Variants in CSMD3 observed in about 807,000 individuals in gnomAD.
The protein encoded by CSMD3 is CUB and sushi domain-containing protein 3.
CSMD3 carries 177 observed loss-of-function variants against 435.2 expected under a neutral mutation model. The observed-to-expected ratio is 0.41, with a 90% confidence interval of 0.36 to 0.46. The LOEUF (loss-of-function observed/expected upper bound fraction) is 0.46. Ranked by LOEUF, CSMD3 falls within the 20% of genes least tolerant of loss-of-function variation. The pLI is 0.34. For missense variants in CSMD3, 4,265 were observed against 4,504.6 expected, an observed-to-expected ratio of 0.95 and a Z score of 1.52; for synonymous variants, 1,656 against 1,520.5, an observed-to-expected ratio of 1.09 and a Z score of -2.07.
At chr8:112,780,986 G>A (rs970935834) in intron 13 of CSMD3, among the ~76,000 whole-genome samples, 4 of 152,024 alleles carry the variant, frequency 2.6e-5, no homozygotes, top group Admixed American at 2.0e-4. Context: ...ACCAGCTGGG[G>A]CAGTTAAAGG....
intron 2 of CSMD3, among the ~76,000 whole-genome samples, chr8:113,294,799 A>C (rs2093708217): frequency 6.6e-6 from 1 of 152,142 alleles, no homozygotes; most frequent in Non-Finnish European, 1.5e-5. Flanking sequence ...AATAAAGGAC[A>C]ATCCTAATTA....
intron 25 of CSMD3, among the ~76,000 whole-genome samples, chr8:112,553,104 G>A (rs10105193): frequency 0.25 from 37,419 of 151,828 alleles, 4,919 homozygotes; most frequent in East Asian, 0.47. Context: ...TTGCTACCCC[G>A]CCTTTGAGAA....
intron 10 of CSMD3, among the ~76,000 whole-genome samples, chr8:112,920,081 C>G (rs2082689942): frequency 2.0e-5 from 3 of 151,746 alleles, no homozygotes; most frequent in Admixed American, 2.0e-4. Flanking sequence ...AACAAGCCAT[C>G]AGAAATGCCA....
intron 1 of CSMD3, among the ~76,000 whole-genome samples, chr8:113,403,367 T>C (rs2129652740): frequency 6.6e-6 from 1 of 151,436 alleles, no homozygotes; most frequent in Middle Eastern, 3.4e-3. Flanking sequence ...GTTCCTGTGG[T>C]ACCATTTTAT....
chr8:112,541,316 A>G (rs964074499), intron 27 of CSMD3, among the ~76,000 whole-genome samples: 1 of 151,904 alleles, frequency 6.6e-6, no homozygotes, highest in Non-Finnish European at 1.5e-5. Flanking sequence ...AAAAACAATT[A>G]AAAAATAAAA....
intron 5 of CSMD3, among the ~76,000 whole-genome samples, chr8:113,061,300 T>C (rs2088602266): frequency 6.6e-6 from 1 of 152,114 alleles, no homozygotes; most frequent in Non-Finnish European, 1.5e-5. Context: ...GAAAAGAACA[T>C]CAGCTTTAGT....
chr8:113,111,561 G>A (rs988605566), intron 4 of CSMD3, among the ~76,000 whole-genome samples: 2 of 151,990 alleles, frequency 1.3e-5, no homozygotes, highest in Non-Finnish European at 2.9e-5. Flanking sequence ...TTTATTTACT[G>A]TGTGTTTAGT....
chr8:112,276,010 C>T (rs1407022304), intron 59 of CSMD3, among the ~76,000 whole-genome samples: 3 of 152,184 alleles, frequency 2.0e-5, no homozygotes, highest in Non-Finnish European at 2.9e-5. Context: ...AAGACAAGTA[C>T]TTCCACCTAT....
chr8:112,510,483 A>G (rs1250519874), intron 28 of CSMD3, among the ~76,000 whole-genome samples: 1 of 152,152 alleles, frequency 6.6e-6, no homozygotes, highest in Non-Finnish European at 1.5e-5. Flanking sequence ...CTACATTTAT[A>G]TAACTCTAAC....
rs571004035 is a variant in CSMD3, at chr8:113,217,051, G to A, written c.515-43135C>T. Among the ~76,000 whole-genome samples, 123 of 151,672 alleles carry A rather than the reference G, an allele frequency of 8.1e-4. 1 individual carries two copies. Among genetic ancestry groups the A allele is most frequent in the Non-Finnish European group, 1.4e-3 (95 of 67,880 alleles). The stretch of plus-strand genomic sequence containing the variant: ...CCAGTCGTAATAAATAAACTTCACC[G>A]ATTCTTTTAGGAAATTGGTAGAGAT... On this transcript the variant is annotated intron_variant, in intron 3 of 70. Transcript: ENST00000297405.
At chr8:112,657,089 A>G (rs1303690706) in intron 17 of CSMD3, among the ~76,000 whole-genome samples, 2 of 148,480 alleles carry the variant, frequency 1.3e-5, no homozygotes, top group Non-Finnish European at 3.0e-5. Flanking sequence ...TTGAGGCAAA[A>G]TCTAATTCCA....
At chr8:112,911,647 G>GTGTGTGTATATATA (rs2082416920) in intron 10 of CSMD3, among the ~76,000 whole-genome samples, 1 of 3,992 alleles carries the variant, frequency 2.5e-4, no homozygotes, top group South Asian at 5.0e-3. Context: ...ATATATGTGT[G>GTGTGTGTATATATA]TGTGTGTGTG....
intron 13 of CSMD3, among the ~76,000 whole-genome samples, chr8:112,712,069 T>G (rs911949623): frequency 2.0e-5 from 3 of 152,090 alleles, no homozygotes; most frequent in Non-Finnish European, 4.4e-5. Context: ...CACTGTAAAA[T>G]CTGTGACACT....
rs534172059 is a variant in CSMD3, at chr8:113,334,096, CTGA to C, written c.179-19306_179-19304del. Among the ~76,000 whole-genome samples the C allele has an allele frequency of 1.5e-3, 226 of 151,898 alleles. 4 individuals carry two copies. The highest frequency in any genetic ancestry group is 0.015 in the Admixed American group (225 of 15,224). Reference sequence around the variant, plus strand: ...ACTATACAAAAATTACGATTTTTAACTGATATTTGCTTTGTATCTGTAACCCAG... The same window carrying C: ...ACTATACAAAAATTACGATTTTTAACTATTTGCTTTGTATCTGTAACCCAG... On this transcript the variant is annotated intron_variant, in intron 1 of 70. Transcript: ENST00000297405.
intron 32 of CSMD3, among the ~76,000 whole-genome samples, chr8:112,437,733 T>G (rs569872480): frequency 3.9e-4 from 59 of 152,274 alleles, no homozygotes; most frequent in African/African-American, 1.2e-3. Context: ...AGCTTTCCAG[T>G]AATTTTTAAT....
At chr8:112,482,204 A>G (rs533216869) in intron 31 of CSMD3, among the ~76,000 whole-genome samples, 2 of 152,252 alleles carry the variant, frequency 1.3e-5, no homozygotes, top group African/African-American at 4.8e-5. Context: ...TCCATCAGAG[A>G]GTGTGATCCT....
At chr8:113,316,871 A>T (rs1004648428) in intron 1 of CSMD3, among the ~76,000 whole-genome samples, 3 of 152,194 alleles carry the variant, frequency 2.0e-5, no homozygotes, top group Non-Finnish European at 4.4e-5. Flanking sequence ...ACTTTGGAGC[A>T]GCTGACTCTG....
chr8:113,271,675 T>A (rs2093528369), intron 3 of CSMD3, among the ~76,000 whole-genome samples: 1 of 151,996 alleles, frequency 6.6e-6, no homozygotes, highest in South Asian at 2.1e-4. Context: ...TAGGGCAGTG[T>A]GGAAGGGAAA....
At chr8:112,365,358 G>A (rs1233222214) in intron 38 of CSMD3, among the ~76,000 whole-genome samples, 1 of 149,962 alleles carries the variant, frequency 6.7e-6, no homozygotes, top group Non-Finnish European at 1.5e-5. Context: ...AGACATCAAA[G>A]TTTAAGAAAA....
Sources: gnomAD v4.1 joint callset for allele counts (sites outside exome capture counted in the v4.1 genomes callset) on GRCh38, gnomAD v4.1.1 for gene constraint, MANE v1.5 for transcripts, NCBI Gene and HGNC (gene_info 2026-07-23, HGNC 2026-07-21) for gene names.